Variants in NOL4 observed in about 807,000 individuals in gnomAD.
NOL4 encodes the protein nucleolar protein 4.
In NOL4, 17 loss-of-function variants were observed where a neutral mutation model predicts 75.9. That is an observed-to-expected ratio of 0.22 (90% CI 0.15 to 0.34). The LOEUF (loss-of-function observed/expected upper bound fraction) is 0.34, where lower values mean the gene tolerates loss of function less well. Among genes scored for constraint, NOL4 ranks in the 10% least tolerant of loss-of-function variants. The pLI is 1.00. For synonymous variants in NOL4, 292 were observed against 289.9 expected, an observed-to-expected ratio of 1.01 and a Z score of -0.07; for missense variants, 614 against 793.5, an observed-to-expected ratio of 0.77 and a Z score of 2.72.
intron 6 of NOL4, among the ~76,000 whole-genome samples, chr18:34,013,502 G>A (rs1228086450): frequency 6.6e-6 from 1 of 151,834 alleles, no homozygotes; most frequent in African/African-American, 2.4e-5. Flanking sequence ...AGCTTCAAAA[G>A]GATATTCAAA....
At chr18:33,882,513 C>G (rs1471282815) in intron 10 of NOL4, among the ~76,000 whole-genome samples, 2 of 151,878 alleles carry the variant, frequency 1.3e-5, no homozygotes, top group Admixed American at 6.6e-5. Flanking sequence ...GAGATACCAT[C>G]TCACACCAGT....
At chr18:34,096,800 T>C (rs1418537420) in intron 4 of NOL4, among the ~76,000 whole-genome samples, 1 of 152,172 alleles carries the variant, frequency 6.6e-6, no homozygotes, top group Non-Finnish European at 1.5e-5. Flanking sequence ...AATAATTTTC[T>C]TTTCAGTCTT....
At chr18:33,988,392 A>G (rs1045778602) in intron 6 of NOL4, among the ~76,000 whole-genome samples, 2 of 152,116 alleles carry the variant, frequency 1.3e-5, no homozygotes, top group African/African-American at 4.8e-5. Context: ...TTCAAACATA[A>G]AAAGATACTT....
At chr18:34,145,186 C>T (rs1426118331) in intron 1 of NOL4, among the ~76,000 whole-genome samples, 2 of 152,038 alleles carry the variant, frequency 1.3e-5, no homozygotes, top group Admixed American at 6.6e-5. Context: ...ATATATCAAA[C>T]ATATACTGAA....
intron 9 of NOL4, among the ~76,000 whole-genome samples, chr18:33,919,764 A>C (rs1233944294): frequency 1.3e-5 from 2 of 152,194 alleles, no homozygotes; most frequent in African/African-American, 2.4e-5. Flanking sequence ...CAGGGTATGC[A>C]TATGTGAATC....
At chr18:34,131,379 A>G (rs140111294) in intron 1 of NOL4, among the ~76,000 whole-genome samples, 7 of 152,260 alleles carry the variant, frequency 4.6e-5, no homozygotes, top group East Asian at 1.9e-4. Context: ...TCAGACAACT[A>G]TATATAGGAA....
At chr18:33,973,955 A>G (rs1337873463) in intron 6 of NOL4, among the ~76,000 whole-genome samples, 2 of 152,168 alleles carry the variant, frequency 1.3e-5, no homozygotes, top group Admixed American at 6.6e-5. Flanking sequence ...ATTAGCCCCT[A>G]ACAAGATAGT....
chr18:33,988,927 G>A (rs2072696329), intron 6 of NOL4, among the ~76,000 whole-genome samples: 1 of 152,126 alleles, frequency 6.6e-6, no homozygotes, highest in East Asian at 1.9e-4. Context: ...ACTGGGCACA[G>A]TGGCTCATGC....
intron 10 of NOL4, among the ~76,000 whole-genome samples, chr18:33,863,167 A>C (rs1050932455): frequency 2.0e-5 from 3 of 152,132 alleles, no homozygotes; most frequent in Non-Finnish European, 4.4e-5. Flanking sequence ...AAACTATCGC[A>C]AGAACAAAAA....
chr18:33,970,836 T>C (rs941708152), intron 6 of NOL4, among the ~76,000 whole-genome samples: 3 of 152,072 alleles, frequency 2.0e-5, no homozygotes, highest in African/African-American at 7.2e-5. Flanking sequence ...ATATGTTTGA[T>C]ACAATATGCT....
chr18:33,983,913 T>C (rs961260762), intron 6 of NOL4, among the ~76,000 whole-genome samples: 4 of 151,942 alleles, frequency 2.6e-5, no homozygotes, highest in Admixed American at 2.0e-4. Flanking sequence ...AAATTAACAA[T>C]AGAAAAAATA....
At chr18:33,877,873 A>G (rs965707283) in intron 10 of NOL4, among the ~76,000 whole-genome samples, 2 of 151,558 alleles carry the variant, frequency 1.3e-5, no homozygotes, top group Non-Finnish European at 2.9e-5. Context: ...CATGCTTCAG[A>G]GGTTAAATTG....
chr18:34,147,031 G>A (rs1020840025), intron 1 of NOL4, among the ~76,000 whole-genome samples: 2 of 152,076 alleles, frequency 1.3e-5, no homozygotes, highest in African/African-American at 4.8e-5. Context: ...TCTGTTATTG[G>A]TGTATAGGAA....
chr18:34,090,551 A>T (rs1219489238), intron 5 of NOL4, among the ~76,000 whole-genome samples: 1 of 152,060 alleles, frequency 6.6e-6, no homozygotes, highest in African/African-American at 2.4e-5. Context: ...TGTACTAGGG[A>T]GTGAGAAAAA....
chr18:34,066,179 T>TATAA (rs2077267543), intron 5 of NOL4, among the ~76,000 whole-genome samples: 1 of 151,962 alleles, frequency 6.6e-6, no homozygotes, highest in African/African-American at 2.4e-5. Context: ...AAATAATAGG[T>TATAA]ATAAATAATT....
At position 34,007,679 on chromosome 18, in the gene NOL4, C is replaced by A. The variant is rs115118618; in HGVS notation, c.1056+11639G>T. Among the ~76,000 whole-genome samples the A allele has an allele frequency of 8.0e-3, 1,222 of 152,008 alleles. 18 individuals are homozygous for A. Among genetic ancestry groups the A allele is most frequent in the African/African-American group, 0.029 (1,182 of 41,470 alleles). ...TATATTAGGGTATTTAATTATTGTT[C>A]ATTTTACATCATCATATTTAAGCAA... is the stretch of plus-strand genomic sequence containing the variant. On this transcript the variant is annotated intron_variant, in intron 6 of 10. Coordinates refer to ENST00000261592, the MANE Select transcript of NOL4 (RefSeq NM_003787.5).
chr18:33,903,265 A>C (rs1002580694), intron 9 of NOL4, among the ~76,000 whole-genome samples: 6 of 152,106 alleles, frequency 3.9e-5, no homozygotes, highest in Admixed American at 1.3e-4. Flanking sequence ...CACTTTTTAA[A>C]CCATCCGATC....
chr18:34,055,880 CAA>C, intron 5 of NOL4, among the ~76,000 whole-genome samples: 1 of 152,046 alleles, frequency 6.6e-6, no homozygotes, highest in East Asian at 1.9e-4. Context: ...TCTGCCTGAT[CAA>C]GTTTGCTATT....
intron 10 of NOL4, among the ~76,000 whole-genome samples, chr18:33,868,264 G>T (rs1037946261): frequency 2.0e-5 from 3 of 150,910 alleles, no homozygotes; most frequent in Non-Finnish European, 3.0e-5. Context: ...GGCTGGTCTC[G>T]AACATCTGGG....
Sources: allele counts gnomAD v4.1 joint callset (sites outside exome capture counted in the v4.1 genomes callset), GRCh38; gene constraint gnomAD v4.1.1; transcripts MANE v1.5; gene names NCBI Gene and HGNC (gene_info 2026-07-23, HGNC 2026-07-21).